Variants in SPATA13 observed in about 807,000 individuals in gnomAD.
The protein encoded by SPATA13 is spermatogenesis-associated protein 13.
Under a neutral mutation model 104.0 loss-of-function variants are expected in SPATA13, and 50 were observed. The ratio of observed to expected loss-of-function variants is 0.48; its 90% CI spans 0.38 to 0.61. SPATA13 has a LOEUF of 0.61. SPATA13 is among the 20% of genes least tolerant of loss of function. The probability of loss-of-function intolerance (pLI) is 0.00; values close to 1 mark genes in which losing one functional copy is unlikely to be tolerated. For synonymous variants in SPATA13, 606 were observed against 667.5 expected (o/e 0.91, Z 1.42); for missense variants, 1,524 against 1,690.6 (o/e 0.90, Z 1.73).
intron 1 of SPATA13, among the ~76,000 whole-genome samples, chr13:24,221,915 C>A (rs890216964): frequency 6.6e-6 from 1 of 150,420 alleles, no homozygotes; most frequent in Admixed American, 6.6e-5. Flanking sequence ...CAGGTTCAAG[C>A]GATTCTCCTG....
At chr13:24,159,626 C>T (rs1433498139), upstream of SPATA13, among the ~76,000 whole-genome samples, 1 of 152,134 alleles carries the variant, frequency 6.6e-6, no homozygotes, top group Admixed American at 6.5e-5. Context: ...AGGCTCACGC[C>T]GCATGCTGTT....
At chr13:24,068,019 A>G (rs1250444447) in intron 3 of SPATA13, among the ~76,000 whole-genome samples, 1 of 152,068 alleles carries the variant, frequency 6.6e-6, no homozygotes, top group Non-Finnish European at 1.5e-5. Flanking sequence ...TTTATCTTTT[A>G]TTTTAAGTTC....
At position 24,136,293 on chromosome 13, in the gene SPATA13, A is replaced by G. The variant is rs866739674; in HGVS notation, c.-111-86526A>G. 5.9e-5 allele frequency among the ~76,000 whole-genome samples: 9 copies of G among 152,286 alleles called. No individual in the cohort carries two copies. In the South Asian group the frequency reaches 8.3e-4, roughly 14 times the overall value. Reference sequence around the variant, plus strand: ...GGAGTTTGAGACCAGCCTGAGCAACATGGAGAAACTCCATCTCTACTAAAA... The same window carrying G: ...GGAGTTTGAGACCAGCCTGAGCAACGTGGAGAAACTCCATCTCTACTAAAA... On this transcript the variant is annotated intron_variant, in intron 3 of 14. Transcript: ENST00000424834.
intron 3 of SPATA13, among the ~76,000 whole-genome samples, chr13:24,127,530 C>T (rs1040747708): frequency 6.6e-6 from 1 of 152,150 alleles, no homozygotes; most frequent in Non-Finnish European, 1.5e-5. Flanking sequence ...ATAGAGTGAA[C>T]CAAGGAGACA....
rs1335004101 is a variant in SPATA13, at chr13:24,224,257, A to C, written c.1328A>C (p.Asp443Ala). 1.3e-6 allele frequency: 2 copies of C among 1,550,760 alleles called. No homozygotes were observed. The highest frequency in any genetic ancestry group is 2.8e-5 in the African/African-American group (2 of 72,684). The change falls in exon 2 of 13, where the codon GAC becomes GCC. Residue 443 changes from aspartate to alanine, a missense_variant. Physicochemically the swap from Asp to Ala is moderately radical, Grantham distance 126 (BLOSUM62 -2). Coordinates refer to ENST00000382108, the MANE Select transcript of SPATA13 (RefSeq NM_001166271.3). The stretch of plus-strand genomic sequence containing the variant: ...ATTGTCCAGGATGTGTTGAGCAAAG[A>C]CTCCTGTGACCCAAACGCTGGCAGC... ...SPIVQDVLSK[D>A]SCDPNAGSQL...
chr13:24,124,713 A>G (rs1003216134), intron 3 of SPATA13, among the ~76,000 whole-genome samples: 2 of 152,198 alleles, frequency 1.3e-5, no homozygotes, highest in African/African-American at 2.4e-5. Flanking sequence ...GTTGTAATGA[A>G]CAGGAGTTAT....
chr13:24,142,948 T>C (rs1314431826), intron 3 of SPATA13, among the ~76,000 whole-genome samples: 1 of 152,170 alleles, frequency 6.6e-6, no homozygotes, highest in Admixed American at 6.5e-5. Flanking sequence ...CAGCTCTCCA[T>C]CCATGCCTGG....
intron 3 of SPATA13, among the ~76,000 whole-genome samples, chr13:24,133,605 G>A (rs1490015429): frequency 2.0e-5 from 3 of 152,154 alleles, no homozygotes; most frequent in South Asian, 4.1e-4. Flanking sequence ...GTAGGTAGGC[G>A]TAAAGGTGTG....
At chr13:24,188,319 G>A (rs896294418) in intron 1 of SPATA13, among the ~76,000 whole-genome samples, 6 of 143,252 alleles carry the variant, frequency 4.2e-5, no homozygotes, top group South Asian at 2.3e-4. Flanking sequence ...GCAACAGAGC[G>A]AGACTCCATC....
intron 3 of SPATA13, among the ~76,000 whole-genome samples, chr13:24,099,296 A>C (rs1880181863): frequency 6.6e-6 from 1 of 152,202 alleles, no homozygotes; most frequent in Non-Finnish European, 1.5e-5. Context: ...ATGGACAAAA[A>C]AGATGGAATT....
At chr13:24,123,837 GC>G (rs1256546855) in intron 3 of SPATA13, 5 of 778,574 alleles carry the variant, frequency 6.4e-6, no homozygotes, top group African/African-American at 1.7e-5. Flanking sequence ...GGCAGTGAAG[GC>G]CCATTGGGGA....
intron 1 of SPATA13, among the ~76,000 whole-genome samples, chr13:24,190,066 CTATATATATTATTATATAACATATA>C: frequency 1.8e-4 from 1 of 5,570 alleles, no homozygotes; most frequent in African/African-American, 2.1e-4. Context: ...TAATGATATA[CTATATATATTATTATATAACATATA>C]ATGATATACA....
At chr13:24,256,266 A>C (rs1270149128) in intron 4 of SPATA13, among the ~76,000 whole-genome samples, 1 of 152,098 alleles carries the variant, frequency 6.6e-6, no homozygotes, top group Non-Finnish European at 1.5e-5. Context: ...AGACAGGAAG[A>C]ATAAGTCCTA....
At chr13:24,257,502 T>A (rs899403455) in intron 4 of SPATA13, among the ~76,000 whole-genome samples, 1 of 152,182 alleles carries the variant, frequency 6.6e-6, no homozygotes, top group Admixed American at 6.5e-5. Flanking sequence ...ATATAAAAAC[T>A]AGAGAAAATG....
At chr13:24,258,103 C>T (rs948762222) in intron 4 of SPATA13, among the ~76,000 whole-genome samples, 16 of 152,146 alleles carry the variant, frequency 1.1e-4, no homozygotes, top group African/African-American at 3.4e-4. Context: ...GGTGTGGTGG[C>T]GCATGCCTGT....
chr13:24,164,781 G>T (rs73166316), intron 1 of SPATA13, among the ~76,000 whole-genome samples: 56,186 of 151,930 alleles, frequency 0.37, 10,675 homozygotes, highest in East Asian at 0.51. Flanking sequence ...AGGCAGAAAC[G>T]GCACCACAGA....
chr13:24,032,514 G>C (rs1199997534), intron 3 of SPATA13, among the ~76,000 whole-genome samples: 1 of 152,172 alleles, frequency 6.6e-6, no homozygotes, highest in Non-Finnish European at 1.5e-5. Context: ...ATTTCATAAG[G>C]AGTCGTTACA....
In SPATA13 at chr13:24,305,640, C is replaced by G. The variant is rs1265977556; in HGVS notation, c.*2867C>G. 2 of 152,214 alleles carry G rather than the reference C, an allele frequency of 1.3e-5. No individual in the cohort carries two copies. The highest frequency in any genetic ancestry group is 2.4e-5 in the African/African-American group (1 of 41,448). 9.4% of individuals were successfully genotyped at this position (152,214 alleles called of 1,614,324 possible). ...TATGAATTTCATTGGGAATCTTGCT[C>G]TCTCCCGCCTCTATGCCTTTCTCTC... On this transcript the variant is annotated 3_prime_UTR_variant, in exon 13 of 13. Transcript: ENST00000382108.
chr13:24,203,324 G>A lies in SPATA13; in HGVS notation c.-111-19495G>A, dbSNP rs74705040. 3.8e-3 allele frequency among the ~76,000 whole-genome samples: 575 copies of A among 152,202 alleles called. 20 individuals carry two copies. In the East Asian group the frequency reaches 0.086, roughly 23 times the overall value. The stretch of plus-strand genomic sequence containing the variant: ...CACCAATTACCCTGACGGTAATTTA[G>A]GGGAAGGGGAAGAAGGGGAAGAAAT... On this transcript the variant is annotated intron_variant, in intron 1 of 12. Coordinates refer to ENST00000382108, the MANE Select transcript of SPATA13 (RefSeq NM_001166271.3).
Sources: allele counts gnomAD v4.1 joint callset (sites outside exome capture counted in the v4.1 genomes callset), GRCh38; gene constraint gnomAD v4.1.1; transcripts MANE v1.5; gene names NCBI Gene and HGNC (gene_info 2026-07-23, HGNC 2026-07-21).